The following ASTN2 variants were observed in gnomAD, a reference collection of about 807,000 sequenced individuals.
The protein encoded by ASTN2 is astrotactin-2.
In ASTN2, 54 loss-of-function variants were observed where a neutral mutation model predicts 139.8. The ratio of observed to expected loss-of-function variants is 0.39; its 90% confidence interval spans 0.31 to 0.48. ASTN2 has a LOEUF of 0.48. ASTN2 is among the 20% of genes least tolerant of loss of function. The pLI, the probability that ASTN2 is intolerant of heterozygous loss-of-function variation, is 0.95. For missense variants in ASTN2, 1,565 were observed against 1,725.1 expected (o/e 0.91, Z 1.64); for synonymous variants, 756 against 719.5 (o/e 1.05, Z -0.81).
chr9:117,123,997 T>G (rs144119565), intron 4 of ASTN2, among the ~76,000 whole-genome samples: 1 of 152,150 alleles, frequency 6.6e-6, no homozygotes, highest in Admixed American at 6.5e-5. Context: ...CGAACAATAT[T>G]TGTTGAATTG....
intron 11 of ASTN2, among the ~76,000 whole-genome samples, chr9:116,863,337 T>C (rs776336906): frequency 1.3e-5 from 2 of 152,238 alleles, no homozygotes; most frequent in African/African-American, 4.8e-5. Flanking sequence ...TAAGACCTAT[T>C]GTGTGGTGGG....
At chr9:117,316,823 G>A (rs1037166615) in intron 1 of ASTN2, among the ~76,000 whole-genome samples, 2 of 152,116 alleles carry the variant, frequency 1.3e-5, no homozygotes, top group Non-Finnish European at 2.9e-5. Flanking sequence ...TAGATATCTC[G>A]CAGATGTTGC....
intron 2 of ASTN2, among the ~76,000 whole-genome samples, chr9:117,247,598 TAAAAACAAAAAC>T (rs549468714): frequency 2.6e-5 from 4 of 152,102 alleles, no homozygotes; most frequent in Non-Finnish European, 5.9e-5. Flanking sequence ...AGAATAAAAT[TAAAAACAAAAAC>T]AAAAACAAAA....
chr9:117,124,967 C>T (rs11790753), intron 4 of ASTN2, among the ~76,000 whole-genome samples: 1 of 152,126 alleles, frequency 6.6e-6, no homozygotes, highest in Non-Finnish European at 1.5e-5. Flanking sequence ...CAAAGATCAC[C>T]TAAGATAGTA....
intron 5 of ASTN2, among the ~76,000 whole-genome samples, chr9:117,043,222 AT>A (rs1025615591): frequency 2.6e-5 from 4 of 152,100 alleles, no homozygotes; most frequent in African/African-American, 9.7e-5. Flanking sequence ...GGGGAAAAAT[AT>A]GTAATGATAA....
At chr9:116,627,063 A>T (rs1856504430) in intron 17 of ASTN2, among the ~76,000 whole-genome samples, 1 of 152,240 alleles carries the variant, frequency 6.6e-6, no homozygotes, top group South Asian at 2.1e-4. Context: ...CTAACCTGAC[A>T]GTGAGAAGGT....
intron 5 of ASTN2, among the ~76,000 whole-genome samples, chr9:117,053,239 G>A (rs1838964172): frequency 6.6e-6 from 1 of 152,066 alleles, no homozygotes; most frequent in African/African-American, 2.4e-5. Context: ...ATTGTTAGAG[G>A]TCAGGAGTTT....
intron 5 of ASTN2, among the ~76,000 whole-genome samples, chr9:117,094,257 G>C (rs1026383153): frequency 1.4e-4 from 21 of 151,968 alleles, no homozygotes; most frequent in African/African-American, 5.1e-4. Flanking sequence ...AGGGAGACAG[G>C]GAGGAAAGAA....
At chr9:117,138,344 G>A in intron 4 of ASTN2, among the ~76,000 whole-genome samples, 1 of 152,114 alleles carries the variant, frequency 6.6e-6, no homozygotes, top group East Asian at 1.9e-4. Context: ...AGCAGCTGGG[G>A]GAAAGAAAGA....
In ASTN2 at chr9:117,073,707, C is replaced by T. The variant is rs563516078; in HGVS notation, c.1276+22337G>A. Among the ~76,000 whole-genome samples, 136 of 152,182 alleles carry T rather than the reference C, an allele frequency of 8.9e-4. 1 individual carries two copies. The highest frequency in any genetic ancestry group is 3.1e-3 in the African/African-American group (128 of 41,518). ...TTCTCTCAGGAGTGACAAATTATGTCGACAACCACTGGGGGGTGCTCTTGG... is the reference window on the plus strand; with the variant it reads ...TTCTCTCAGGAGTGACAAATTATGTTGACAACCACTGGGGGGTGCTCTTGG... On this transcript the variant is annotated intron_variant, in intron 5 of 22. Coordinates refer to ENST00000313400, the MANE Select transcript of ASTN2 (RefSeq NM_001365068.1).
chr9:116,425,295 A>C lies in ASTN2; in HGVS notation c.*556T>G, dbSNP rs1260417996. 4 of 464,496 alleles carry C rather than the reference A, an allele frequency of 8.6e-6. No homozygotes were observed. Among genetic ancestry groups the C allele is most frequent in the Non-Finnish European group, 1.5e-5 (4 of 259,898 alleles). 28.8% of individuals were successfully genotyped at this position (464,496 alleles called of 1,614,324 possible). A position where few individuals can be genotyped will look rare whatever the true frequency, so the allele number is the denominator to read the frequency against. ...GACTCTGGGCAGACCCACAGGTAGC[A>C]GGAAGAGGCAGGGTCCCACAAACTC... is the stretch of plus-strand genomic sequence containing the variant. On this transcript the variant is annotated 3_prime_UTR_variant, in exon 23 of 23. Transcript: ENST00000313400.
intron 16 of ASTN2, among the ~76,000 whole-genome samples, chr9:116,662,998 G>C (rs567876223): frequency 2.0e-5 from 3 of 152,158 alleles, no homozygotes; most frequent in Admixed American, 6.6e-5. Context: ...ATAGGAGAAC[G>C]CCTTCTCTTT....
chr9:117,101,851 T>G (rs1259836456), intron 4 of ASTN2, among the ~76,000 whole-genome samples: 2 of 152,110 alleles, frequency 1.3e-5, no homozygotes, highest in Non-Finnish European at 2.9e-5. Context: ...ACCCACTAGG[T>G]GGGTGATAAT....
Position 116,976,175 on chromosome 9 carries a change from T to C in ASTN2, c.1690A>G (p.Thr564Ala). Residue 564 changes from threonine to alanine, a missense_variant, in exon 9 of 23, where the codon ACG (threonine) becomes GCG (alanine). Physicochemically the swap from Thr to Ala is moderately conservative, Grantham distance 58. Transcript: ENST00000313400. Reference protein sequence around the residue: ...WGQSEGPWPYTTLERGYDLVT... With the variant: ...WGQSEGPWPYATLERGYDLVT... Reference sequence around the variant, plus strand: ...AGATCATAGCCCCTCTCAAGTGTCGTGTAGGGCCAAGGTCTATGGGAAGAA... The same window carrying C: ...AGATCATAGCCCCTCTCAAGTGTCGCGTAGGGCCAAGGTCTATGGGAAGAA... 1 of 1,614,088 alleles carries C rather than the reference T, an allele frequency of 6.2e-7. No individual in the cohort carries two copies. The highest frequency in any genetic ancestry group is 8.5e-7 in the Non-Finnish European group (1 of 1,179,986).
At chr9:116,846,757 C>T (rs1263143703) in intron 11 of ASTN2, among the ~76,000 whole-genome samples, 7 of 152,102 alleles carry the variant, frequency 4.6e-5, no homozygotes, top group Non-Finnish European at 8.8e-5. Context: ...CCATCTTGGA[C>T]ATTCTATGGT....
intron 17 of ASTN2, among the ~76,000 whole-genome samples, chr9:116,626,541 T>C (rs1454210292): frequency 6.6e-6 from 1 of 152,114 alleles, no homozygotes; most frequent in Non-Finnish European, 1.5e-5. Flanking sequence ...AAAGCCTAAA[T>C]TACCTTGAAG....
At chr9:116,777,455 G>A (rs1203462638) in intron 13 of ASTN2, among the ~76,000 whole-genome samples, 1 of 152,132 alleles carries the variant, frequency 6.6e-6, no homozygotes, top group South Asian at 2.1e-4. Context: ...CACCTAGGTT[G>A]TAACCCAGGT....
At chr9:116,892,155 TATA>T (rs1379304696) in intron 10 of ASTN2, among the ~76,000 whole-genome samples, 2 of 152,192 alleles carry the variant, frequency 1.3e-5, no homozygotes, top group South Asian at 2.1e-4. Context: ...GTGATATCTA[TATA>T]ATATTTAAAA....
At chr9:116,561,698 C>T (rs973059664) in intron 19 of ASTN2, among the ~76,000 whole-genome samples, 1 of 152,178 alleles carries the variant, frequency 6.6e-6, no homozygotes, top group Non-Finnish European at 1.5e-5. Context: ...GATCCCATCC[C>T]TATGAGTATC....
Sources: gnomAD v4.1 joint callset for allele counts (sites outside exome capture counted in the v4.1 genomes callset) on GRCh38, gnomAD v4.1.1 for gene constraint, MANE v1.5 for transcripts, NCBI Gene and HGNC (gene_info 2026-07-23, HGNC 2026-07-21) for gene names.